The following FMN2 variants were observed in gnomAD, a reference collection of about 807,000 sequenced individuals.
FMN2 encodes the protein formin-2.
In FMN2, 51 loss-of-function variants were observed where a neutral mutation model predicts 142.3. The ratio of observed to expected loss-of-function variants is 0.36; its 90% CI spans 0.29 to 0.45. The LOEUF (loss-of-function observed/expected upper bound fraction) is 0.45, where lower values mean the gene tolerates loss of function less well. FMN2 is among the 20% of genes least tolerant of loss of function. FMN2 has a pLI of 1.00. For synonymous variants in FMN2, 882 were observed against 869.8 expected, an observed-to-expected ratio of 1.01 and a Z score of -0.25; for missense variants, 1,936 against 2,122.8, an observed-to-expected ratio of 0.91 and a Z score of 1.73.
chr1:240,095,386 T>TACAC (rs59692947), intron 1 of FMN2, among the ~76,000 whole-genome samples: 6,672 of 149,404 alleles, frequency 0.045, 179 homozygotes, highest in Non-Finnish European at 0.055. Flanking sequence ...TATATGTGCA[T>TACAC]ACACACACAC....
chr1:240,109,215 T>G (rs1317767712), intron 1 of FMN2, among the ~76,000 whole-genome samples: 2 of 152,230 alleles, frequency 1.3e-5, no homozygotes, highest in African/African-American at 4.8e-5. Context: ...ACCTTAGACA[T>G]ATGACTCAAG....
At position 240,334,202 on chromosome 1, in the gene FMN2, C is replaced by T. The variant is rs780161544; in HGVS notation, c.4738C>T (p.Leu1580Phe). ...QMKFEDFQKD[L>F]RKLKKDLKAC... ...GAAGTTTGAAGATTTTCAAAAAGAT[C>T]TCAGAAAACTGAAGAAAGACTTGAA... Residue 1580 changes from leucine to phenylalanine, a missense_variant, in exon 13 of 18, where the codon CTC becomes TTC. Physicochemically the swap from Leu to Phe is conservative, Grantham distance 22. This residue lies in a region of FMN2 where 322 missense variants were observed against 401.6 expected (regional missense o/e 0.80). Coordinates refer to ENST00000319653, the MANE Select transcript of FMN2 (RefSeq NM_020066.5). The T allele has an allele frequency of 2.5e-6, 4 of 1,603,690 alleles. No homozygotes were observed. The highest frequency in any genetic ancestry group is 2.5e-6 in the Non-Finnish European group (3 of 1,177,366).
Position 240,258,004 on chromosome 1 carries a change from T to A in FMN2, c.4125T>A (p.Leu1375=). Residue 1375 remains leucine, a synonymous_variant, in exon 7 of 18, where the codon CTT becomes CTA. Transcript: ENST00000319653. The stretch of plus-strand genomic sequence containing the variant: ...CAGTTGGAATACTAATGTCTAGCCT[T>A]CATTTAGATATGAAAGACATACAAC... ...SQAVGILMSS[L]HLDMKDIQHA... 1 of 1,612,568 alleles carries A rather than the reference T, an allele frequency of 6.2e-7. No individual in the cohort carries two copies.
chr1:240,169,161 TCAAA>T (rs1172584192), intron 2 of FMN2, among the ~76,000 whole-genome samples: 3 of 152,300 alleles, frequency 2.0e-5, no homozygotes, highest in South Asian at 4.1e-4. Flanking sequence ...CATCTCCGTC[TCAAA>T]CAAACACAAA....
At chr1:240,194,879 G>A (rs1318907608) in intron 4 of FMN2, among the ~76,000 whole-genome samples, 2 of 152,184 alleles carry the variant, frequency 1.3e-5, no homozygotes, top group African/African-American at 4.8e-5. Context: ...TTTAAGAATA[G>A]CATTTTACTC....
chr1:240,101,419 G>A (rs889161586), intron 1 of FMN2, among the ~76,000 whole-genome samples: 1 of 152,094 alleles, frequency 6.6e-6, no homozygotes, highest in African/African-American at 2.4e-5. Flanking sequence ...GACTTTGATA[G>A]TTTTGATCAA....
chr1:240,174,979 T>G (rs1282446554), intron 2 of FMN2, among the ~76,000 whole-genome samples: 2 of 152,206 alleles, frequency 1.3e-5, no homozygotes, highest in Non-Finnish European at 2.9e-5. Context: ...TTGCAACAAC[T>G]TCCTATCCCC....
chr1:240,434,290 T>C (rs1675278605), intron 15 of FMN2, among the ~76,000 whole-genome samples: 1 of 152,196 alleles, frequency 6.6e-6, no homozygotes, highest in African/African-American at 2.4e-5. Context: ...TAGTGAATCC[T>C]GTATTGGTAT....
chr1:240,400,332 G>A (rs950298317), intron 15 of FMN2, among the ~76,000 whole-genome samples: 1 of 152,146 alleles, frequency 6.6e-6, no homozygotes, highest in African/African-American at 2.4e-5. Flanking sequence ...GGAACTCAGC[G>A]CAACCGCTGG....
intron 6 of FMN2, among the ~76,000 whole-genome samples, chr1:240,229,600 C>T (rs1036115226): frequency 2.6e-5 from 4 of 152,104 alleles, no homozygotes; most frequent in Admixed American, 6.6e-5. Context: ...TGTGATGATG[C>T]GCCAGGTTTA....
chr1:240,295,226 T>C (rs907317364), intron 8 of FMN2, among the ~76,000 whole-genome samples: 1 of 124,198 alleles, frequency 8.1e-6, no homozygotes, highest in Non-Finnish European at 1.7e-5. Context: ...ACACACACAC[T>C]CACACACACT....
chr1:240,342,866 AT>A (rs1360620885), intron 13 of FMN2, among the ~76,000 whole-genome samples: 1 of 152,106 alleles, frequency 6.6e-6, no homozygotes, highest in East Asian at 1.9e-4. Flanking sequence ...ACAGTATACA[AT>A]TTTTTTTCAT....
chr1:240,143,166 G>C, intron 2 of FMN2: 1 of 1,579,134 alleles, frequency 6.3e-7, no homozygotes, highest in Non-Finnish European at 8.7e-7. Context: ...GCGCAACATT[G>C]CAGCCAGACG....
intron 15 of FMN2, among the ~76,000 whole-genome samples, chr1:240,436,784 A>C (rs183794673): frequency 6.6e-6 from 1 of 152,170 alleles, no homozygotes; most frequent in East Asian, 1.9e-4. Context: ...GTAAGTGTAT[A>C]TGTTAGGGTA....
At chr1:240,346,266 A>C (rs990180029) in intron 13 of FMN2, among the ~76,000 whole-genome samples, 2 of 151,972 alleles carry the variant, frequency 1.3e-5, no homozygotes, top group African/African-American at 2.4e-5. Context: ...AGGTTCAGTA[A>C]GAAATTAATA....
intron 15 of FMN2, among the ~76,000 whole-genome samples, chr1:240,420,554 T>G (rs1674727443): frequency 6.6e-6 from 1 of 152,194 alleles, no homozygotes; most frequent in Non-Finnish European, 1.5e-5. Flanking sequence ...GCTGGTAGCT[T>G]CTGAGGGGGC....
intron 7 of FMN2, among the ~76,000 whole-genome samples, chr1:240,266,790 G>T (rs1407917144): frequency 6.6e-6 from 1 of 151,822 alleles, no homozygotes; most frequent in Non-Finnish European, 1.5e-5. Context: ...CAAAAATAAA[G>T]CCACACATCT....
intron 6 of FMN2, among the ~76,000 whole-genome samples, chr1:240,226,276 AG>A (rs1357058958): frequency 6.6e-6 from 1 of 152,250 alleles, no homozygotes; most frequent in African/African-American, 2.4e-5. Context: ...ACAATTAAAA[AG>A]TATGAATGCA....
chr1:240,234,720 G>A (rs930824528), intron 6 of FMN2, among the ~76,000 whole-genome samples: 2 of 152,136 alleles, frequency 1.3e-5, no homozygotes, highest in South Asian at 2.1e-4. Flanking sequence ...GAATCACGTT[G>A]AGTCAGATGA....
Sources: allele counts gnomAD v4.1 joint callset (sites outside exome capture counted in the v4.1 genomes callset), GRCh38; gene constraint gnomAD v4.1.1; regional missense constraint gnomAD v4.1.1; transcripts MANE v1.5; gene names NCBI Gene and HGNC (gene_info 2026-07-23, HGNC 2026-07-21).